CNTF: variants seen among roughly 807,000 people sequenced by gnomAD.
CNTF encodes Ciliary Neuronotrophic Factor.
In CNTF, 14 loss-of-function variants were observed where a neutral mutation model predicts 13.0. The observed-to-expected ratio is 1.07, with a 90% CI of 0.71 to 1.68. The LOEUF (loss-of-function observed/expected upper bound fraction) is 1.68, where lower values mean the gene tolerates loss of function less well. Among genes scored for constraint, CNTF ranks in the 40% most tolerant of loss-of-function variants. The pLI, the probability that CNTF is intolerant of heterozygous loss-of-function variation, is 0.00. For missense variants in CNTF, 283 were observed against 252.5 expected (o/e 1.12, Z -0.82); for synonymous variants, 98 against 92.4 (o/e 1.06, Z -0.35).
At chr11:58,623,949 T>G (rs1855888835) in intron 1 of CNTF, 85 bp from the exon 2 acceptor site, 30 of 1,520,600 alleles carry the variant, frequency 2.0e-5, no homozygotes, top group Non-Finnish European at 2.5e-5. Context: ...GAGAGATGAG[T>G]GAGATTTTGT....
chr11:58,624,214 A>G lies in CNTF; in HGVS notation c.295A>G (p.Thr99Ala), dbSNP rs778969406. The G allele has an allele frequency of 7.9e-5, 127 of 1,613,738 alleles. No individual in the cohort carries two copies. Among genetic ancestry groups the G allele is most frequent in the Non-Finnish European group, 3.7e-5 (44 of 1,179,970 alleles). ...CTTAGAAGACCAGCAGGTGCATTTTACCCCAACCGAAGGTGACTTCCATCA... is the reference window on the plus strand; with the variant it reads ...CTTAGAAGACCAGCAGGTGCATTTTGCCCCAACCGAAGGTGACTTCCATCA... ...RLLEDQQVHF[T>A]PTEGDFHQAI... is the part of the protein sequence containing the mutation. The change falls in exon 2 of 2, where the codon ACC (threonine) becomes GCC (alanine). Residue 99 changes from threonine to alanine, a missense_variant. Coordinates refer to ENST00000361987, the MANE Select transcript of CNTF (RefSeq NM_000614.4).
At chr11:58,623,893 C>A in intron 1 of CNTF, 141 bp from the exon 2 acceptor site, 1 of 1,111,216 alleles carries the variant, frequency 9.0e-7, no homozygotes, top group Non-Finnish European at 1.2e-6. Context: ...ATTAAGAGTT[C>A]CTACTGTAGA....
At position 58,622,836 on chromosome 11, in the gene CNTF, T is replaced by C; in HGVS notation, c.84T>C (p.Arg28=). Reference sequence around the variant, plus strand: ...CTATCTGGCTAGCAAGGAAGATTCGTTCAGACCTGACTGCTCTTACGGAAT... The same window carrying C: ...CTATCTGGCTAGCAAGGAAGATTCGCTCAGACCTGACTGCTCTTACGGAAT... ...SRSIWLARKI[R]SDLTALTESY... The change falls in exon 1 of 2, where the codon CGT becomes CGC. Residue 28 remains arginine (R), a synonymous_variant. Coordinates refer to ENST00000361987, the MANE Select transcript of CNTF (RefSeq NM_000614.4). The C allele has an allele frequency of 6.2e-7, 1 of 1,613,964 alleles. No homozygotes were observed. The highest frequency in any genetic ancestry group is 8.5e-7 in the Non-Finnish European group (1 of 1,179,886).
rs1305963207 is a variant in CNTF at position 58,625,485 on chromosome 11, TCACTAAA to T, written c.*964_*970del. 6.6e-6 allele frequency: 1 copy of T among 152,226 alleles called. No individual in the cohort carries two copies. Among genetic ancestry groups the T allele is most frequent in the African/African-American group, 2.4e-5 (1 of 41,464 alleles). 9.4% of individuals were successfully genotyped at this position (152,226 alleles called of 1,614,324 possible). On this transcript the variant is annotated 3_prime_UTR_variant, in exon 2 of 2. Coordinates refer to ENST00000361987, the MANE Select transcript of CNTF (RefSeq NM_000614.4). ...GTAATACAGCCTGGTTTTTAAGTAC[TCACTAAA>T]AGTTCTCAAATATTGGGTTGGGCAC...
Position 58,624,694 on chromosome 11 carries a change from A to G in CNTF, c.*172A>G, listed in dbSNP as rs941200966. Reference sequence around the variant, plus strand: ...TGAAGGACTACAGGTATTTTCATCAAGTAGCGTTGGAGACATACACAAATG... The same window carrying G: ...TGAAGGACTACAGGTATTTTCATCAGGTAGCGTTGGAGACATACACAAATG... On this transcript the variant is annotated 3_prime_UTR_variant, in exon 2 of 2. Coordinates refer to ENST00000361987, the MANE Select transcript of CNTF (RefSeq NM_000614.4). The G allele has an allele frequency of 4.2e-6, 3 of 711,976 alleles. No homozygotes were observed. The highest frequency in any genetic ancestry group is 1.8e-5 in the South Asian group (1 of 54,488). 44.1% of individuals were successfully genotyped at this position (711,976 alleles called of 1,614,324 possible).
chr11:58,624,139 C>A lies in CNTF; in HGVS notation c.220C>A (p.Gln74Lys), dbSNP rs1409324233. Reference sequence around the variant, plus strand: ...TGAGCTGACCGAGGCAGAGCGACTCCAAGAGAACCTTCAAGCTTATCGTAC... The same window carrying A: ...TGAGCTGACCGAGGCAGAGCGACTCAAAGAGAACCTTCAAGCTTATCGTAC... The part of the protein sequence containing the change: ...WSELTEAERL[Q>K]ENLQAYRTFH... Residue 74 changes from glutamine to lysine, a missense_variant, in exon 2 of 2, where the codon CAA (glutamine) becomes AAA (lysine). Coordinates refer to ENST00000361987, the MANE Select transcript of CNTF (RefSeq NM_000614.4). The A allele has an allele frequency of 1.9e-6, 3 of 1,613,706 alleles. No individual in the cohort carries two copies. The Admixed American group carries it at 5.0e-5, about 27-fold the overall frequency.
chr11:58,624,531 C>A lies in CNTF; in HGVS notation c.*9C>A. On this transcript the variant is annotated 3_prime_UTR_variant, in exon 2 of 2. Transcript: ENST00000361987. ...ACAACAAGAAAATGTAGCAGTTAGT[C>A]CCTTCTCTCTTCCTTGCTTTCTCTT... The A allele has an allele frequency of 6.2e-7, 1 of 1,613,044 alleles. No homozygotes were observed. Among genetic ancestry groups the A allele is most frequent in the South Asian group, 1.1e-5 (1 of 90,988 alleles).
In CNTF at chr11:58,624,633, TTTTC is replaced by T. The variant is rs1855905214; in HGVS notation, c.*119_*122del. The T allele has an allele frequency of 2.2e-6, 3 of 1,336,894 alleles. No homozygotes were observed. The highest frequency in any genetic ancestry group is 1.5e-5 in the African/African-American group (1 of 68,604). 82.8% of individuals were successfully genotyped at this position (1,336,894 alleles called of 1,614,324 possible). ...CTAAAAACAGTTAAGACAACAGGCA[TTTTC>T]TTTCTTTTTTCTCTGACCACCTGCA... is the stretch of plus-strand genomic sequence containing the variant. On this transcript the variant is annotated 3_prime_UTR_variant, in exon 2 of 2. Coordinates refer to ENST00000361987, the MANE Select transcript of CNTF (RefSeq NM_000614.4).
In CNTF at chr11:58,624,619, T is replaced by C. The variant is rs1438621550; in HGVS notation, c.*97T>C. 3.5e-6 allele frequency: 5 copies of C among 1,446,460 alleles called. No individual in the cohort carries two copies. In the South Asian group the frequency reaches 4.7e-5, roughly 14 times the overall value. The allele number at this position is 1,446,460 out of a possible 1,614,324, so 89.6% of individuals were successfully genotyped here. A position where few individuals can be genotyped will look rare whatever the true frequency, so the allele number is the denominator to read the frequency against. ...CCCATCTTAAATTTCTAAAAACAGT[T>C]AAGACAACAGGCATTTTCTTTCTTT... On this transcript the variant is annotated 3_prime_UTR_variant, in exon 2 of 2. Coordinates refer to ENST00000361987, the MANE Select transcript of CNTF (RefSeq NM_000614.4).
chr11:58,624,308 T>A lies in CNTF; in HGVS notation c.389T>A (p.Leu130Gln), dbSNP rs1412300527. ...AYQIEELMIL[L>Q]EYKIPRNEAD... Reference sequence around the variant, plus strand: ...CAGATAGAGGAGTTAATGATACTCCTGGAATACAAGATCCCCCGCAATGAG... The same window carrying A: ...CAGATAGAGGAGTTAATGATACTCCAGGAATACAAGATCCCCCGCAATGAG... Residue 130 changes from leucine to glutamine, a missense_variant, in exon 2 of 2, where the codon CTG (leucine) becomes CAG (glutamine). Leu to Gln is a moderately radical substitution (Grantham distance 113). Coordinates refer to ENST00000361987, the MANE Select transcript of CNTF (RefSeq NM_000614.4). 5 of 1,613,846 alleles carry A rather than the reference T, an allele frequency of 3.1e-6. No homozygotes were observed. Among genetic ancestry groups the A allele is most frequent in the Non-Finnish European group, 4.2e-6 (5 of 1,179,972 alleles).
rs1855894146 is a variant in CNTF, at chr11:58,624,170, A to G, written c.251A>G (p.His84Arg). 6.2e-7 allele frequency: 1 copy of G among 1,613,854 alleles called. No homozygotes were observed. Reference protein sequence around the residue: ...QENLQAYRTFHVLLARLLEDQ... With the variant: ...QENLQAYRTFRVLLARLLEDQ... The stretch of plus-strand genomic sequence containing the variant: ...AACCTTCAAGCTTATCGTACCTTCC[A>G]TGTTTTGTTGGCCAGGCTCTTAGAA... Residue 84 changes from histidine (H) to arginine (R), a missense_variant, in exon 2 of 2, where the codon CAT (histidine) becomes CGT (arginine). By Grantham distance (29) the His-to-Arg change is conservative (BLOSUM62 0). Transcript: ENST00000361987.
chr11:58,624,406 C>G lies in CNTF; in HGVS notation c.487C>G (p.Gln163Glu). 1.2e-6 allele frequency: 2 copies of G among 1,613,972 alleles called. No homozygotes were observed. Among genetic ancestry groups the G allele is most frequent in the Non-Finnish European group, 1.7e-6 (2 of 1,179,950 alleles). ...GAAGCTGTGGGGCCTAAAGGTGCTGCAGGAGCTTTCACAGTGGACAGTAAG... is the reference window on the plus strand; with the variant it reads ...GAAGCTGTGGGGCCTAAAGGTGCTGGAGGAGCTTTCACAGTGGACAGTAAG... ...EKKLWGLKVLQELSQWTVRSI... is the reference protein window; with the variant it reads ...EKKLWGLKVLEELSQWTVRSI... The change falls in exon 2 of 2, where the codon CAG (glutamine) becomes GAG (glutamate). Residue 163 changes from glutamine (Q) to glutamate (E), a missense_variant. Transcript: ENST00000361987.
Position 58,624,511 on chromosome 11 carries a change from A to C in CNTF, c.592A>C (p.Lys198Gln). 6.2e-7 allele frequency: 1 copy of C among 1,613,896 alleles called. No individual in the cohort carries two copies. The highest frequency in any genetic ancestry group is 8.5e-7 in the Non-Finnish European group (1 of 1,179,962). ...TGGGAGCCATTATATTGCTAACAAC[A>C]AGAAAATGTAGCAGTTAGTCCCTTC... ...ARGSHYIANN[K>Q]KM Residue 198 changes from lysine (K) to glutamine (Q), a missense_variant, in exon 2 of 2, where the codon AAG becomes CAG. Transcript: ENST00000361987.
At position 58,624,412 on chromosome 11, in the gene CNTF, C is replaced by G; in HGVS notation, c.493C>G (p.Leu165Val). ...KLWGLKVLQE[L>V]SQWTVRSIHD... is the part of the protein sequence containing the mutation. ...GTGGGGCCTAAAGGTGCTGCAGGAGCTTTCACAGTGGACAGTAAGGTCCAT... is the reference window on the plus strand; with the variant it reads ...GTGGGGCCTAAAGGTGCTGCAGGAGGTTTCACAGTGGACAGTAAGGTCCAT... Residue 165 changes from leucine to valine, a missense_variant, in exon 2 of 2, where the codon CTT becomes GTT. By Grantham distance (32) the Leu-to-Val change is conservative. Transcript: ENST00000361987. 1 of 1,613,926 alleles carries G rather than the reference C, an allele frequency of 6.2e-7. No individual in the cohort carries two copies. The highest frequency in any genetic ancestry group is 2.2e-5 in the East Asian group (1 of 44,882).
chr11:58,622,856 C>T lies in CNTF; in HGVS notation c.104C>T (p.Thr35Met), dbSNP rs368279696. 17 of 1,612,700 alleles carry T rather than the reference C, an allele frequency of 1.1e-5. No homozygotes were observed. Among genetic ancestry groups the T allele is most frequent in the East Asian group, 6.7e-5 (3 of 44,882 alleles). The change falls in exon 1 of 2, where the codon ACG becomes ATG. Residue 35 changes from threonine to methionine, a missense_variant. Transcript: ENST00000361987. Reference sequence around the variant, plus strand: ...ATTCGTTCAGACCTGACTGCTCTTACGGAATCCTATGTAAGTTGCCTATTT... The same window carrying T: ...ATTCGTTCAGACCTGACTGCTCTTATGGAATCCTATGTAAGTTGCCTATTT... ...RKIRSDLTAL[T>M]ESYVKHQGLN...
Position 58,624,547 on chromosome 11 carries a change from G to A in CNTF, c.*25G>A, listed in dbSNP as rs1190154107. Reference sequence around the variant, plus strand: ...GCAGTTAGTCCCTTCTCTCTTCCTTGCTTTCTCTTCTAATGGAATATGCGT... The same window carrying A: ...GCAGTTAGTCCCTTCTCTCTTCCTTACTTTCTCTTCTAATGGAATATGCGT... On this transcript the variant is annotated 3_prime_UTR_variant, in exon 2 of 2. Transcript: ENST00000361987. 2 of 1,611,086 alleles carry A rather than the reference G, an allele frequency of 1.2e-6. No homozygotes were observed. The highest frequency in any genetic ancestry group is 2.7e-5 in the African/African-American group (2 of 74,892).
Position 58,624,367 on chromosome 11 carries a change from G to T in CNTF, c.448G>T (p.Gly150Cys), listed in dbSNP as rs933816646. Residue 150 changes from glycine to cysteine, a missense_variant, in exon 2 of 2, where the codon GGT becomes TGT. Transcript: ENST00000361987. ...GATGCCTATTAATGTTGGAGATGGT[G>T]GTCTCTTTGAGAAGAAGCTGTGGGG... Reference protein sequence around the residue: ...DGMPINVGDGGLFEKKLWGLK... With the variant: ...DGMPINVGDGCLFEKKLWGLK... The T allele has an allele frequency of 6.2e-7, 1 of 1,613,968 alleles. No individual in the cohort carries two copies. The highest frequency in any genetic ancestry group is 8.5e-7 in the Non-Finnish European group (1 of 1,180,022).
chr11:58,623,388 C>T (rs1307909511), intron 1 of CNTF, among the ~76,000 whole-genome samples: 1 of 152,164 alleles, frequency 6.6e-6, no homozygotes, highest in Non-Finnish European at 1.5e-5. Flanking sequence ...AAAAGGATCT[C>T]CTAGAAGATT....
At chr11:58,623,943 G>C in intron 1 of CNTF, 91 bp from the exon 2 acceptor site, 2 of 1,513,460 alleles carry the variant, frequency 1.3e-6, no homozygotes, top group Non-Finnish European at 1.8e-6. Context: ...TGGCCAGAGA[G>C]ATGAGTGAGA....
Sources: gnomAD v4.1 joint callset for allele counts (sites outside exome capture counted in the v4.1 genomes callset) on GRCh38, gnomAD v4.1.1 for gene constraint, MANE v1.5 for transcripts, NCBI Gene and HGNC (gene_info 2026-07-23, HGNC 2026-07-21) for gene names.